Variants in ZNF717 observed in about 807,000 individuals in gnomAD.
ZNF717 encodes zinc finger protein 717, also known as krueppel-like factor X17.
In ZNF717, 9 loss-of-function variants were observed where a neutral mutation model predicts 13.8. That is an observed-to-expected ratio of 0.65 (90% confidence interval 0.39 to 1.14). ZNF717 has a LOEUF of 1.14. Ranked by LOEUF, ZNF717 falls within the 50% of genes most tolerant of loss-of-function variation. The probability of loss-of-function intolerance (pLI) is 0.01; values close to 1 mark genes in which losing one functional copy is unlikely to be tolerated. For missense variants in ZNF717, 1,040 were observed against 1,080.7 expected (o/e 0.96, Z 0.53); for synonymous variants, 327 against 364.1 (o/e 0.90, Z 1.16).
chr3:75,735,450 A>G (rs1474506216), downstream of ZNF717, among the ~76,000 whole-genome samples: 11 of 69,618 alleles, frequency 1.6e-4, no homozygotes, highest in African/African-American at 1.2e-4. Flanking sequence ...ATACAGTGAG[A>G]CCCTGTCCCT....
At chr3:75,746,971 T>G (rs1393868284) in intron 2 of ZNF717, among the ~76,000 whole-genome samples, 1 of 152,174 alleles carries the variant, frequency 6.6e-6, no homozygotes, top group African/African-American at 2.4e-5. Flanking sequence ...TGACTAGGTT[T>G]TCTTCTAGGG....
rs111361124 is a variant in ZNF717 at position 75,758,112 on chromosome 3, C to CAA, written c.58-16378_58-16377dup. On this transcript the variant is annotated intron_variant, in intron 2 of 4. Coordinates refer to ENST00000652011, the MANE Select transcript of ZNF717 (RefSeq NM_001290208.3). ...CTCCAGCCCAGGCAAGACTCCATCT[C>CAA]AAAAAAAAAAAAAAAAAAAAAAAAG... is the stretch of plus-strand genomic sequence containing the variant. Among the ~76,000 whole-genome samples, 417 of 63,410 alleles carry CAA rather than the reference C, an allele frequency of 6.6e-3. 1 individual carries two copies. The highest frequency in any genetic ancestry group is 9.1e-3 in the Non-Finnish European group (220 of 24,288). The allele number at this position is 63,410 out of a possible 152,430, so 41.6% of individuals were successfully genotyped here.
At chr3:75,745,170 T>C (rs1372796426) in intron 2 of ZNF717, among the ~76,000 whole-genome samples, 2 of 151,850 alleles carry the variant, frequency 1.3e-5, no homozygotes, top group African/African-American at 4.8e-5. Context: ...TTTTTTTTCT[T>C]TCTGTCTTTT....
chr3:75,695,172 A>G (rs879643453), intron 6 of ZNF717, among the ~76,000 whole-genome samples: 1 of 152,138 alleles, frequency 6.6e-6, no homozygotes, highest in Non-Finnish European at 1.5e-5. Context: ...ACCAAAAAAG[A>G]GCAGAAATAG....
downstream of ZNF717, among the ~76,000 whole-genome samples, chr3:75,732,944 T>C (rs1310202964): frequency 4.0e-5 from 6 of 148,560 alleles, no homozygotes; most frequent in Admixed American, 1.3e-4. Context: ...TAAAAAAAAA[T>C]CTCTGAGTAG....
At chr3:75,745,701 G>T (rs370196739) in intron 2 of ZNF717, among the ~76,000 whole-genome samples, 1 of 151,830 alleles carries the variant, frequency 6.6e-6, no homozygotes. Context: ...ACCAGTAGGA[G>T]TCATGTCATG....
intron 2 of ZNF717, among the ~76,000 whole-genome samples, chr3:75,764,870 G>T: frequency 6.6e-6 from 1 of 152,002 alleles, no homozygotes. Flanking sequence ...CAGAGAGACA[G>T]AATAACTAGT....
intron 2 of ZNF717, among the ~76,000 whole-genome samples, chr3:75,766,297 A>G (rs962444110): frequency 2.6e-5 from 4 of 152,186 alleles, no homozygotes; most frequent in Non-Finnish European, 4.4e-5. Context: ...AGACACAAAC[A>G]AACTATGAGA....
downstream of ZNF717, among the ~76,000 whole-genome samples, chr3:75,709,004 T>C (rs1324962420): frequency 9.2e-6 from 1 of 108,990 alleles, no homozygotes; most frequent in African/African-American, 3.7e-5. Flanking sequence ...TTCTTTTTCT[T>C]TTCTTTTTTT....
At chr3:75,747,213 G>T (rs1418040983) in intron 2 of ZNF717, among the ~76,000 whole-genome samples, 1 of 151,998 alleles carries the variant, frequency 6.6e-6, no homozygotes, top group African/African-American at 2.4e-5. Flanking sequence ...TGTTCCATTG[G>T]TCTATATCTC....
At chr3:75,779,843 T>C (rs1428455220) in intron 2 of ZNF717, among the ~76,000 whole-genome samples, 5 of 143,566 alleles carry the variant, frequency 3.5e-5, no homozygotes, top group African/African-American at 1.3e-4. Flanking sequence ...CCCAAAACAA[T>C]GGGAGTGATG....
rs190191178 is a variant in ZNF717, at chr3:75,758,658, C to A, written c.58-16922G>T. On this transcript the variant is annotated intron_variant, in intron 2 of 4. Transcript: ENST00000652011. Reference sequence around the variant, plus strand: ...GTTGTATTATTTTAAGAAATTGCCACAGCTACCCCAACCCTCAGCAATCAC... The same window carrying A: ...GTTGTATTATTTTAAGAAATTGCCAAAGCTACCCCAACCCTCAGCAATCAC... 2.2e-3 allele frequency among the ~76,000 whole-genome samples: 329 copies of A among 152,286 alleles called. 6 individuals are homozygous for A. Among genetic ancestry groups the A allele is most frequent in the Admixed American group, 0.017 (267 of 15,290 alleles).
chr3:75,701,646 C>T (rs150613721), intron 6 of ZNF717, among the ~76,000 whole-genome samples: 5 of 152,302 alleles, frequency 3.3e-5, no homozygotes, highest in East Asian at 1.9e-4. Context: ...GCAGAGATTG[C>T]GCCACTGCAC....
intron 6 of ZNF717, among the ~76,000 whole-genome samples, chr3:75,703,542 T>TAAATAAATAAATAAATAAATAAATA (rs1553651651): frequency 6.8e-6 from 1 of 147,896 alleles, no homozygotes; most frequent in South Asian, 2.2e-4. Flanking sequence ...ATAATAATAA[T>TAAATAAATAAATAAATAAATAAATA]AATAAATAAA....
rs796960091 is a variant in ZNF717 at position 75,722,599 on chromosome 3, G to A, written n.545-6058C>T. On this transcript the variant is annotated intron_variant and non_coding_transcript_variant, in intron 4 of 5. Transcript: ENST00000491507. The stretch of plus-strand genomic sequence containing the variant: ...AGAGGCTGAGGCGGGCGGATCACTT[G>A]AGGTCAGGAGTTTGAGACCAGCCTG... 3.9e-3 allele frequency among the ~76,000 whole-genome samples: 600 copies of A among 152,086 alleles called. 5 individuals are homozygous for A. The highest frequency in any genetic ancestry group is 0.013 in the African/African-American group (551 of 41,508).
chr3:75,750,818 G>A (rs1941702854), intron 2 of ZNF717, among the ~76,000 whole-genome samples: 1 of 150,892 alleles, frequency 6.6e-6, no homozygotes, highest in East Asian at 2.0e-4. Flanking sequence ...GAACAATGCT[G>A]CTGTGTTCTG....
chr3:75,747,691 G>C (rs1262422766), intron 2 of ZNF717, among the ~76,000 whole-genome samples: 2 of 152,132 alleles, frequency 1.3e-5, no homozygotes, highest in African/African-American at 4.8e-5. Context: ...GAATGCTTGT[G>C]ATTTTTGTAC....
Position 75,774,318 on chromosome 3 carries a change from C to T in ZNF717, c.57+8988G>A, listed in dbSNP as rs376269864. ...TGATTTTAGGTAAATGAATGACTTA[C>T]GGTGACCTGGAATTCTATTTCATAA... On this transcript the variant is annotated intron_variant, in intron 2 of 4. Coordinates refer to ENST00000652011, the MANE Select transcript of ZNF717 (RefSeq NM_001290208.3). Among the ~76,000 whole-genome samples the T allele has an allele frequency of 7.9e-5, 12 of 151,980 alleles. No homozygotes were observed. The East Asian group carries it at 2.1e-3, about 27-fold the overall frequency.
At chr3:75,781,092 A>ATGGCCTGAGAAGGAC (rs1245544521) in intron 2 of ZNF717, among the ~76,000 whole-genome samples, 4 of 152,268 alleles carry the variant, frequency 2.6e-5, no homozygotes, top group Admixed American at 1.3e-4. Flanking sequence ...TGAACTAAGT[A>ATGGCCTGAGAAGGAC]TGGCCTGAGA....
Sources: gnomAD v4.1 joint callset for allele counts (sites outside exome capture counted in the v4.1 genomes callset) on GRCh38, gnomAD v4.1.1 for gene constraint, MANE v1.5 for transcripts, NCBI Gene and HGNC (gene_info 2026-07-23, HGNC 2026-07-21) for gene names.